The following GPC3 variants were observed in gnomAD, a reference collection of about 807,000 sequenced individuals.
GPC3 encodes glypican 3.
A neutral mutation model predicts 34.4 loss-of-function variants in GPC3; 3 were observed. The ratio of observed to expected loss-of-function variants is 0.09; its 90% CI spans 0.04 to 0.23. GPC3 has a LOEUF of 0.23. Ranked by LOEUF, GPC3 falls within the 10% of genes least tolerant of loss-of-function variation. The pLI, the probability that GPC3 is intolerant of heterozygous loss-of-function variation, is 1.00. For synonymous variants in GPC3, 177 were observed against 174.0 expected (o/e 1.02, Z -0.13); for missense variants, 351 against 445.6 (o/e 0.79, Z 1.91).
intron 2 of GPC3, among the ~76,000 whole-genome samples, chrX:133,935,471 C>T (rs1002301270): frequency 9.0e-6 from 1 of 110,986 alleles, no homozygotes; most frequent in African/African-American, 3.3e-5. Context: ...CTTCTTCTCT[C>T]TCTGACCTCC....
chrX:133,704,917 G>A (rs763760662), intron 3 of GPC3, among the ~76,000 whole-genome samples: 18 of 111,035 alleles, frequency 1.6e-4, no homozygotes, highest in Middle Eastern at 9.4e-3. Flanking sequence ...CAAGAAATGC[G>A]GCTACTCTAT....
chrX:133,537,850 A>G (rs189462687), intron 7 of GPC3, among the ~76,000 whole-genome samples: 20 of 111,040 alleles, frequency 1.8e-4, no homozygotes, highest in African/African-American at 6.2e-4. Flanking sequence ...GTGGGTATTG[A>G]TATTTTTCCT....
intron 1 of GPC3, among the ~76,000 whole-genome samples, chrX:133,958,886 GAA>G (rs767192117): frequency 1.6e-4 from 10 of 60,626 alleles, no homozygotes; most frequent in Admixed American, 2.0e-4. Flanking sequence ...ACTTCGTCTC[GAA>G]AAAAAAAAAA....
chrX:133,708,724 T>C (rs1449181539), intron 3 of GPC3, among the ~76,000 whole-genome samples: 1 of 112,484 alleles, frequency 8.9e-6, no homozygotes, highest in Non-Finnish European at 1.9e-5. Flanking sequence ...TTCACTGACA[T>C]TTCTACTTCA....
intron 2 of GPC3, among the ~76,000 whole-genome samples, chrX:133,876,881 C>CA (rs1022941656): frequency 3.6e-5 from 4 of 111,385 alleles, no homozygotes; most frequent in African/African-American, 9.8e-5. Flanking sequence ...CATCTTCTTC[C>CA]AAAAAATGAG....
intron 7 of GPC3, among the ~76,000 whole-genome samples, chrX:133,593,544 T>C (rs2069877711): frequency 1.8e-5 from 2 of 108,753 alleles, no homozygotes; most frequent in East Asian, 5.8e-4. Flanking sequence ...CTCAGAACTC[T>C]ACTAAGGAGT....
rs751930726 is a variant in GPC3, at chrX:133,663,299, C to T, written c.1293-1449G>A. 7.4e-4 allele frequency among the ~76,000 whole-genome samples: 83 copies of T among 111,629 alleles called. 1 individual carries two copies. The highest frequency in any genetic ancestry group is 2.5e-3 in the African/African-American group (76 of 30,901). On this transcript the variant is annotated intron_variant, in intron 5 of 7. Coordinates refer to ENST00000370818, the MANE Select transcript of GPC3 (RefSeq NM_004484.4). ...CAAAAAATACAAAAAATTAGCTGGG[C>T]GTTTTAGTAGAGACGGGGTTTCGCC...
At chrX:133,850,203 T>TTTG (rs2036828021) in intron 2 of GPC3, among the ~76,000 whole-genome samples, 1 of 102,814 alleles carries the variant, frequency 9.7e-6, no homozygotes, top group African/African-American at 3.7e-5. Context: ...TGTTTTTTTT[T>TTTG]TTTTTTTTTT....
intron 2 of GPC3, among the ~76,000 whole-genome samples, chrX:133,803,746 C>G (rs1377665123): frequency 9.0e-6 from 1 of 111,504 alleles, no homozygotes; most frequent in Non-Finnish European, 1.9e-5. Flanking sequence ...GCTATTTCTA[C>G]CAGAGTTATC....
chrX:133,941,082 G>A (rs1361633065), intron 2 of GPC3, among the ~76,000 whole-genome samples: 2 of 112,736 alleles, frequency 1.8e-5, no homozygotes, highest in South Asian at 7.3e-4. Flanking sequence ...GAAGAGGAGT[G>A]TGGATAGCAA....
At chrX:133,567,288 G>C (rs1410088609) in intron 7 of GPC3, among the ~76,000 whole-genome samples, 1 of 112,114 alleles carries the variant, frequency 8.9e-6, no homozygotes, top group Non-Finnish European at 1.9e-5. Context: ...TATCCAATCT[G>C]TCTCACCCAC....
intron 7 of GPC3, among the ~76,000 whole-genome samples, chrX:133,549,018 A>G (rs971714228): frequency 3.6e-5 from 4 of 111,591 alleles, no homozygotes; most frequent in African/African-American, 6.5e-5. Context: ...ATGGACTAAT[A>G]CACTCATCAT....
intron 2 of GPC3, among the ~76,000 whole-genome samples, chrX:133,870,379 G>A (rs185900576): frequency 9.0e-6 from 1 of 111,473 alleles, no homozygotes; most frequent in African/African-American, 3.3e-5. Context: ...AACTGTTACT[G>A]GAGAAAGTAA....
At chrX:133,630,326 C>T (rs945873841) in intron 6 of GPC3, among the ~76,000 whole-genome samples, 8 of 111,827 alleles carry the variant, frequency 7.2e-5, no homozygotes, top group African/African-American at 2.6e-4. Flanking sequence ...AGAGGAAATG[C>T]TTGGCTTTTA....
intron 2 of GPC3, among the ~76,000 whole-genome samples, chrX:133,832,438 C>T (rs2075779700): frequency 9.3e-6 from 1 of 108,067 alleles, no homozygotes; most frequent in Non-Finnish European, 1.9e-5. Flanking sequence ...GACACTCTAC[C>T]CATGAATGAA....
At chrX:133,852,013 G>T (rs1394083158) in intron 2 of GPC3, among the ~76,000 whole-genome samples, 1 of 111,995 alleles carries the variant, frequency 8.9e-6, no homozygotes, top group Non-Finnish European at 1.9e-5. Context: ...GCTCATTTAT[G>T]ATTTAGGTAT....
chrX:133,627,048 G>A (rs1159266350), intron 6 of GPC3, among the ~76,000 whole-genome samples: 2 of 106,515 alleles, frequency 1.9e-5, no homozygotes, highest in African/African-American at 6.8e-5. Flanking sequence ...ATCATTCTGA[G>A]CAAACTATCA....
In GPC3 at chrX:133,754,031, G is replaced by A. The variant is rs769742225; in HGVS notation, c.483C>T (p.Ile161=). The A allele has an allele frequency of 8.3e-7, 1 of 1,209,788 alleles. No homozygotes were observed. ...ATTCATTGACCATGTCATCTACATT[G>A]ATGTCAGAACCCAAGATGTAGAGAG... ...DVSLYILGSD[I]NVDDMVNELF... The change falls in exon 3 of 8, where the codon ATC becomes ATT. Residue 161 remains isoleucine, a synonymous_variant. Coordinates refer to ENST00000370818, the MANE Select transcript of GPC3 (RefSeq NM_004484.4).
At position 133,818,629 on chromosome X, in the gene GPC3, T is replaced by C. The variant is rs2075703772; in HGVS notation, c.338-64453A>G. ...GGTAATGAAAAGTGCAATAGATTGG[T>C]TGTCCCCCAGAATAGAATATGTGTT... On this transcript the variant is annotated intron_variant, in intron 2 of 7. Transcript: ENST00000370818. Among the ~76,000 whole-genome samples the C allele has an allele frequency of 4.5e-5, 5 of 111,724 alleles. No homozygotes were observed. The South Asian group carries it at 1.9e-3, about 42-fold the overall frequency.
Sources: gnomAD v4.1 joint callset for allele counts (sites outside exome capture counted in the v4.1 genomes callset) on GRCh38, gnomAD v4.1.1 for gene constraint, MANE v1.5 for transcripts, NCBI Gene and HGNC (gene_info 2026-07-23, HGNC 2026-07-21) for gene names.